The following LYRM4 variants were observed in gnomAD, a reference collection of about 807,000 sequenced individuals.
LYRM4 encodes the protein LYR motif containing 4.
Under a neutral mutation model 11.7 loss-of-function variants are expected in LYRM4, and 9 were observed. The observed-to-expected ratio is 0.77, with a 90% confidence interval of 0.46 to 1.34. The LOEUF (loss-of-function observed/expected upper bound fraction) is 1.34. Ranked by LOEUF, LYRM4 falls within the 40% of genes most tolerant of loss-of-function variation. The pLI, the probability that LYRM4 is intolerant of heterozygous loss-of-function variation, is 0.00. For synonymous variants in LYRM4, 42 were observed against 40.4 expected (o/e 1.04, Z -0.15); for missense variants, 133 against 112.5 (o/e 1.18, Z -0.82).
intron 1 of LYRM4, among the ~76,000 whole-genome samples, chr6:5,242,554 C>CT (rs751517249): frequency 1.3e-5 from 2 of 151,002 alleles, no homozygotes; most frequent in Non-Finnish European, 2.9e-5. Flanking sequence ...ACCCCCAACT[C>CT]TATTAAAAAT....
the LYRM4 span, among the ~76,000 whole-genome samples, chr6:5,096,522 A>G: frequency 0.1 from 15,921 of 152,170 alleles, 933 homozygotes; most frequent in South Asian, 0.23. Flanking sequence ...CCTACCACTG[A>G]GAAGTGTATA....
At chr6:5,179,078 A>AAC (rs1561851783) in intron 2 of LYRM4, among the ~76,000 whole-genome samples, 58 of 149,954 alleles carry the variant, frequency 3.9e-4, no homozygotes, top group African/African-American at 4.8e-4. Context: ...AAAAAAAAAA[A>AAC]AAAAAAAAAA....
At chr6:5,043,603 C>A in the LYRM4 span, among the ~76,000 whole-genome samples, 31 of 152,254 alleles carry the variant, frequency 2.0e-4, no homozygotes, top group African/African-American at 6.3e-4. Flanking sequence ...CATGCATACA[C>A]CAAACATTCC....
chr6:5,203,812 A>G (rs879928478), intron 2 of LYRM4, among the ~76,000 whole-genome samples: 24 of 152,340 alleles, frequency 1.6e-4, no homozygotes, highest in Non-Finnish European at 2.6e-4. Flanking sequence ...AGCACATGAA[A>G]GAAGAACGGA....
At chr6:5,224,897 T>C (rs1581545220) in intron 1 of LYRM4, among the ~76,000 whole-genome samples, 1 of 152,050 alleles carries the variant, frequency 6.6e-6, no homozygotes, top group African/African-American at 2.4e-5. Flanking sequence ...GAGGCGAAGG[T>C]TGCAATGAGC....
chr6:5,175,861 G>A (rs796991727), intron 2 of LYRM4, among the ~76,000 whole-genome samples: 3 of 152,104 alleles, frequency 2.0e-5, no homozygotes, highest in Non-Finnish European at 2.9e-5. Flanking sequence ...AGGAAGCCCC[G>A]GCCACACAGA....
At chr6:5,118,862 T>C (rs538193154) in intron 2 of LYRM4, among the ~76,000 whole-genome samples, 1 of 152,324 alleles carries the variant, frequency 6.6e-6, no homozygotes, top group Non-Finnish European at 1.5e-5. Flanking sequence ...CCACATAACC[T>C]TTTTTCTTTC....
chr6:5,167,716 G>C (rs1411675444), intron 2 of LYRM4, among the ~76,000 whole-genome samples: 1 of 152,164 alleles, frequency 6.6e-6, no homozygotes, highest in Non-Finnish European at 1.5e-5. Flanking sequence ...ACTCTTCATG[G>C]ACAGGAAGTC....
rs1028338708 is a variant in LYRM4 at position 5,123,987 on chromosome 6, G to A, written c.208-14496C>T. Reference sequence around the variant, plus strand: ...TGGGGTCTGGGAGGTGGGGAGCTGGGCCTCCTGTTTTCTGGTGCCAGTCCA... The same window carrying A: ...TGGGGTCTGGGAGGTGGGGAGCTGGACCTCCTGTTTTCTGGTGCCAGTCCA... On this transcript the variant is annotated intron_variant, in intron 2 of 2. Transcript: ENST00000330636. 2.6e-5 allele frequency among the ~76,000 whole-genome samples: 4 copies of A among 152,226 alleles called. No individual in the cohort carries two copies. The South Asian group carries it at 8.3e-4, about 31-fold the overall frequency.
At chr6:5,131,200 C>T (rs777191116) in intron 2 of LYRM4, among the ~76,000 whole-genome samples, 4 of 152,010 alleles carry the variant, frequency 2.6e-5, no homozygotes, top group African/African-American at 7.3e-5. Flanking sequence ...AGACAGGATG[C>T]GGCAGTCATA....
chr6:5,139,537 TA>T (rs1757291555), intron 2 of LYRM4, among the ~76,000 whole-genome samples: 1 of 152,242 alleles, frequency 6.6e-6, no homozygotes, highest in Non-Finnish European at 1.5e-5. Flanking sequence ...AAGATATTGT[TA>T]AATTAAGTTT....
At chr6:5,085,642 C>T in the LYRM4 span, 13 of 1,548,690 alleles carry the variant, frequency 8.4e-6, no homozygotes, top group Admixed American at 2.0e-5. Flanking sequence ...TCCTGACGCT[C>T]AGCTAGGGGA....
intron 2 of LYRM4, among the ~76,000 whole-genome samples, chr6:5,197,686 TAAATA>T (rs1252998854): frequency 2.0e-5 from 3 of 151,906 alleles, no homozygotes; most frequent in African/African-American, 4.8e-5. Flanking sequence ...AAAAAATAAA[TAAATA>T]AAATAAAAGA....
At chr6:5,139,478 C>A (rs530594848) in intron 2 of LYRM4, among the ~76,000 whole-genome samples, 1 of 152,342 alleles carries the variant, frequency 6.6e-6, no homozygotes, top group East Asian at 1.9e-4. Context: ...AAAACAGTAG[C>A]ACTTGACTGG....
intron 2 of LYRM4, among the ~76,000 whole-genome samples, chr6:5,119,671 T>C (rs1426076173): frequency 1.3e-5 from 2 of 151,520 alleles, no homozygotes; most frequent in Admixed American, 6.6e-5. Context: ...ATGCCTGTAA[T>C]CCCAGCTACT....
At chr6:5,067,773 G>A in the LYRM4 span, among the ~76,000 whole-genome samples, 7 of 152,092 alleles carry the variant, frequency 4.6e-5, no homozygotes, top group South Asian at 2.1e-4. Context: ...GTTTTTAAGC[G>A]TTACGATACA....
chr6:5,113,241 T>C (rs1179567238), intron 2 of LYRM4: 1 of 389,932 alleles, frequency 2.6e-6, no homozygotes, highest in Non-Finnish European at 5.2e-6. Flanking sequence ...GAGACCAGCC[T>C]GACCAACACG....
At chr6:5,043,334 T>G in the LYRM4 span, 1 of 152,146 alleles carries the variant, frequency 6.6e-6, no homozygotes, top group Non-Finnish European at 1.5e-5. Flanking sequence ...CAAATCTATT[T>G]CGTCTGCTAA....
chr6:5,159,368 G>A (rs995622820), intron 2 of LYRM4, among the ~76,000 whole-genome samples: 2 of 152,124 alleles, frequency 1.3e-5, no homozygotes, highest in African/African-American at 2.4e-5. Context: ...AGGAGAGAGG[G>A]GTGTTTCAAA....
Sources: gnomAD v4.1 joint callset for allele counts (sites outside exome capture counted in the v4.1 genomes callset) on GRCh38, gnomAD v4.1.1 for gene constraint, MANE v1.5 for transcripts, NCBI Gene and HGNC (gene_info 2026-07-23, HGNC 2026-07-21) for gene names.